Variants in IQGAP3 observed in about 807,000 individuals in gnomAD.
IQGAP3 encodes the protein ras GTPase-activating-like protein IQGAP3.
A neutral mutation model predicts 208.2 loss-of-function variants in IQGAP3; 165 were observed. The ratio of observed to expected loss-of-function variants is 0.79; its 90% CI spans 0.70 to 0.90. The LOEUF (loss-of-function observed/expected upper bound fraction) is 0.90. Among genes scored for constraint, IQGAP3 ranks in the 40% least tolerant of loss-of-function variants. The pLI is 0.00. For synonymous variants in IQGAP3, 703 were observed against 803.6 expected (o/e 0.87, Z 2.12); for missense variants, 1,811 against 2,043.1 (o/e 0.89, Z 2.19).
At position 156,548,157 on chromosome 1, in the gene IQGAP3, G is replaced by A; in HGVS notation, c.2220C>T (p.Arg740=). ...TCTGCCGAACTAGGAAGCCACGGAG[G>A]CGGGCCTGGAGCTGGATAACAAAGC... is the stretch of plus-strand genomic sequence containing the variant. ...NVGFVIQLQA[R]LRGFLVRQKF... The change falls in exon 19 of 38, where the codon CGC becomes CGT. Residue 740 remains arginine (R), a synonymous_variant. Coordinates refer to ENST00000361170, the MANE Select transcript of IQGAP3 (RefSeq NM_178229.5). 1.2e-6 allele frequency: 2 copies of A among 1,614,102 alleles called. No homozygotes were observed. Among genetic ancestry groups the A allele is most frequent in the Non-Finnish European group, 1.7e-6 (2 of 1,179,972 alleles).
At chr1:156,536,369 A>C (rs1334650622) in intron 27 of IQGAP3, among the ~76,000 whole-genome samples, 1 of 152,240 alleles carries the variant, frequency 6.6e-6, no homozygotes, top group Admixed American at 6.5e-5. Context: ...CATAAGCCAA[A>C]CACAGAAGGA....
intron 16 of IQGAP3, 152 bp from the exon 17 acceptor site, chr1:156,548,900 A>T: frequency 2.8e-6 from 2 of 719,142 alleles, no homozygotes; most frequent in Non-Finnish European, 4.1e-6. Flanking sequence ...GGACAGAGAC[A>T]CATGCATGAA....
chr1:156,527,880 C>G (rs1674177415), intron 37 of IQGAP3, 72 bp downstream of exon 37: 2 of 1,003,118 alleles, frequency 2.0e-6, no homozygotes, highest in Admixed American at 3.7e-5. Context: ...GAAAGTGAGG[C>G]CAGCTGCTCT....
chr1:156,563,641 G>A lies in IQGAP3; in HGVS notation c.531C>T (p.Ser177=), dbSNP rs75110454. The A allele has an allele frequency of 1.1e-3, 1,775 of 1,612,954 alleles. 1 individual carries two copies. The highest frequency in any genetic ancestry group is 1.4e-3 in the Non-Finnish European group (1,659 of 1,179,620). Residue 177 remains serine, a synonymous_variant, in exon 7 of 38, where the codon TCC becomes TCT. Transcript: ENST00000361170. ...FTAEELSNMA[S]ELAKYGLQLP... Reference sequence around the variant, plus strand: ...GCTGGAGGCCATATTTGGCCAGTTCGGACGCCATGTTGCTGAGTTCCTCAG... The same window carrying A: ...GCTGGAGGCCATATTTGGCCAGTTCAGACGCCATGTTGCTGAGTTCCTCAG...
chr1:156,539,731 T>C, intron 24 of IQGAP3, 107 bp downstream of exon 24: 2 of 1,352,576 alleles, frequency 1.5e-6, no homozygotes, highest in Non-Finnish European at 1.0e-6. Context: ...ATTAAGATTA[T>C]GGGAAAGGAC....
chr1:156,540,114 T>TG, intron 23 of IQGAP3, 124 bp from the exon 24 acceptor site: 1 of 1,094,454 alleles, frequency 9.1e-7, no homozygotes. Context: ...AGGCATAAGC[T>TG]GGGGGACAGA....
In IQGAP3 at chr1:156,555,690, T is replaced by G. The variant is rs148094080; in HGVS notation, c.1290+843A>C. On this transcript the variant is annotated intron_variant, in intron 12 of 37. Transcript: ENST00000361170. Reference sequence around the variant, plus strand: ...CTATAGCCTGAGGTAAATATATTATTGTTCCCATTTTATATTCAAAGAAAT... The same window carrying G: ...CTATAGCCTGAGGTAAATATATTATGGTTCCCATTTTATATTCAAAGAAAT... 6.4e-3 allele frequency among the ~76,000 whole-genome samples: 979 copies of G among 152,338 alleles called. 11 individuals are homozygous for G. Among genetic ancestry groups the G allele is most frequent in the Middle Eastern group, 0.01 (3 of 294 alleles).
Position 156,534,584 on chromosome 1 carries a change from A to C in IQGAP3, c.3657T>G (p.Ala1219=), listed in dbSNP as rs765970214. Residue 1219 remains alanine, a synonymous_variant, in exon 29 of 38, where the codon GCT becomes GCG. Coordinates refer to ENST00000361170, the MANE Select transcript of IQGAP3 (RefSeq NM_178229.5). ...GCCCAGAGAAGGCCTTGCCAGCCGC[A>C]GCGTGCTGTAGGAGCTGAGCCACAG... ...LGAVAQLLQH[A]AAGKAFSGQS... 6.2e-7 allele frequency: 1 copy of C among 1,612,148 alleles called. No homozygotes were observed. Among genetic ancestry groups the C allele is most frequent in the African/African-American group, 1.3e-5 (1 of 74,850 alleles).
At chr1:156,566,611 G>T in intron 2 of IQGAP3, 65 bp from the exon 3 acceptor site, 1 of 1,519,542 alleles carries the variant, frequency 6.6e-7, no homozygotes, top group South Asian at 1.2e-5. Flanking sequence ...CTAACAACAG[G>T]AACTTCCCTC....
At chr1:156,534,794 A>G in intron 28 of IQGAP3, 61 bp from the exon 29 acceptor site, 3 of 1,247,938 alleles carry the variant, frequency 2.4e-6, no homozygotes, top group Non-Finnish European at 3.3e-6. Context: ...GTGCGGCCCC[A>G]CATTCTCAGC....
chr1:156,547,972 C>T (rs1675342984), intron 19 of IQGAP3, 101 bp downstream of exon 19: 2 of 1,094,830 alleles, frequency 1.8e-6, no homozygotes, highest in African/African-American at 1.6e-5. Context: ...TATTCAGAGG[C>T]CGAAAGGTCA....
In IQGAP3 at chr1:156,560,957, G is replaced by A. The variant is rs776709461; in HGVS notation, c.1106C>T (p.Thr369Ile). 1.2e-6 allele frequency: 2 copies of A among 1,613,684 alleles called. No homozygotes were observed. The highest frequency in any genetic ancestry group is 1.1e-5 in the South Asian group (1 of 91,082). ...EVQAGVAAAN[T>I]KGDQEQAMLH... ...ACTGGCTTGTTCCTGATCACCCTTT[G>A]TGTTGGCTGCAGCCACACCAGCCTG... The change falls in exon 11 of 38, where the codon ACA becomes ATA. Residue 369 changes from threonine to isoleucine, a missense_variant. Transcript: ENST00000361170.
In IQGAP3 at chr1:156,540,011, G is replaced by A. The variant is rs778631308; in HGVS notation, c.2740-21C>T. On this transcript the variant is annotated intron_variant, in intron 23 of 37. Transcript: ENST00000361170. ...ACTTCCTGCAGGGGTGGAGGAGCGG[G>A]TGATACAACTAGCCTAGGCCATCCC... is the stretch of plus-strand genomic sequence containing the variant. 5.0e-6 allele frequency: 8 copies of A among 1,613,882 alleles called. No homozygotes were observed. In the East Asian group the frequency reaches 1.6e-4, roughly 31 times the overall value.
intron 28 of IQGAP3, among the ~76,000 whole-genome samples, 156 bp downstream of exon 28, chr1:156,535,007 C>G (rs924630957): frequency 6.6e-6 from 1 of 152,132 alleles, no homozygotes; most frequent in Non-Finnish European, 1.5e-5. Flanking sequence ...TGAAGCCCTG[C>G]GGGTGAGCCA....
At chr1:156,555,930 G>C (rs1048218567) in intron 12 of IQGAP3, among the ~76,000 whole-genome samples, 1 of 152,192 alleles carries the variant, frequency 6.6e-6, no homozygotes, top group African/African-American at 2.4e-5. Context: ...GTCATGCTGG[G>C]AGTAGATGCT....
chr1:156,532,901 C>T (rs1162049946), intron 32 of IQGAP3, 79 bp downstream of exon 32: 20 of 1,505,586 alleles, frequency 1.3e-5, no homozygotes, highest in East Asian at 4.6e-5. Flanking sequence ...GTGGAATGGG[C>T]GCCTCAGAAT....
chr1:156,548,449 C>T lies in IQGAP3; in HGVS notation c.2032G>A (p.Gly678Ser). 1 of 1,613,854 alleles carries T rather than the reference C, an allele frequency of 6.2e-7. No homozygotes were observed. Among genetic ancestry groups the T allele is most frequent in the Non-Finnish European group, 8.5e-7 (1 of 1,179,962 alleles). The change falls in exon 18 of 38, where the codon GGC becomes AGC. Residue 678 changes from glycine to serine, a missense_variant. Physicochemically the swap from Gly to Ser is moderately conservative, Grantham distance 56. Transcript: ENST00000361170. ...TGCAGATGGAAGTAGTAGGCAGTGC[C>T]ATCCTTCATGTCATGTTGAACCCAG... ...AFWVQHDMKD[G>S]TAYYFHLQTF...
intron 16 of IQGAP3, among the ~76,000 whole-genome samples, chr1:156,549,145 C>T (rs571605431): frequency 1.3e-5 from 2 of 151,774 alleles, no homozygotes; most frequent in East Asian, 1.9e-4. Flanking sequence ...GCCAACATGG[C>T]GAAACCCCAT....
At chr1:156,536,933 G>T in intron 27 of IQGAP3, 1 of 357,494 alleles carries the variant, frequency 2.8e-6, no homozygotes, top group South Asian at 9.0e-5. Context: ...TCATTTTAGG[G>T]TCCCTCCTCT....
Sources: allele counts gnomAD v4.1 joint callset (sites outside exome capture counted in the v4.1 genomes callset), GRCh38; gene constraint gnomAD v4.1.1; transcripts MANE v1.5; gene names NCBI Gene and HGNC (gene_info 2026-07-23, HGNC 2026-07-21).